PTPRT: variants seen among roughly 807,000 people sequenced by gnomAD.
PTPRT encodes receptor-type tyrosine-protein phosphatase T.
PTPRT carries 56 observed loss-of-function variants against 176.8 expected under a neutral mutation model. The ratio of observed to expected loss-of-function variants is 0.32; its 90% confidence interval spans 0.26 to 0.40. PTPRT has a LOEUF of 0.40. Among genes scored for constraint, PTPRT ranks in the 10% least tolerant of loss-of-function variants. PTPRT has a pLI of 1.00. For missense variants in PTPRT, 1,540 were observed against 1,908.2 expected, an observed-to-expected ratio of 0.81 and a Z score of 3.60; for synonymous variants, 783 against 739.0, an observed-to-expected ratio of 1.06 and a Z score of -0.96.
chr20:42,106,679 G>T, intron 24 of PTPRT, 107 bp downstream of exon 24: 1 of 1,428,170 alleles, frequency 7.0e-7, no homozygotes, highest in Non-Finnish European at 9.6e-7. Context: ...TCACACCCAG[G>T]TCCTTTCCAT....
At chr20:42,441,687 C>A (rs564920002) in intron 9 of PTPRT, among the ~76,000 whole-genome samples, 3 of 152,166 alleles carry the variant, frequency 2.0e-5, no homozygotes, top group Admixed American at 6.5e-5. Context: ...TGGTGCCATG[C>A]GGCCTGACCT....
chr20:42,520,841 G>GTAGATAGATAGA lies in PTPRT; in HGVS notation c.1154-48291_1154-48280dup, dbSNP rs57774363. On this transcript the variant is annotated intron_variant, in intron 7 of 30. Transcript: ENST00000373187. ...TATATATGTATGTATGGGTGTGTGT[G>GTAGATAGATAGA]TAGATAGATAGATAGATAGATAGAT... Among the ~76,000 whole-genome samples the GTAGATAGATAGA allele has an allele frequency of 4.3e-3, 615 of 143,908 alleles. 7 individuals carry two copies. Among genetic ancestry groups the GTAGATAGATAGA allele is most frequent in the East Asian group, 0.015 (71 of 4,822 alleles). 94.4% of individuals were successfully genotyped at this position (143,908 alleles called of 152,430 possible). A position where few individuals can be genotyped will look rare whatever the true frequency, so the allele number is the denominator to read the frequency against.
chr20:42,629,978 T>C (rs1405896833), intron 7 of PTPRT, among the ~76,000 whole-genome samples: 1 of 152,232 alleles, frequency 6.6e-6, no homozygotes, highest in African/African-American at 2.4e-5. Context: ...TCCCAACCCC[T>C]GAGACCTGTG....
At chr20:42,805,582 C>T (rs2077594175) in intron 2 of PTPRT, among the ~76,000 whole-genome samples, 1 of 152,148 alleles carries the variant, frequency 6.6e-6, no homozygotes, top group South Asian at 2.1e-4. Context: ...TGAAAATGCT[C>T]CTCAAGAGCT....
intron 8 of PTPRT, among the ~76,000 whole-genome samples, chr20:42,451,269 G>T (rs1295962108): frequency 6.6e-6 from 1 of 152,142 alleles, no homozygotes; most frequent in Non-Finnish European, 1.5e-5. Flanking sequence ...ATGGAGAACT[G>T]CAACCCTTTT....
chr20:42,090,359 C>A (rs1048309124), intron 27 of PTPRT, among the ~76,000 whole-genome samples: 4 of 150,472 alleles, frequency 2.7e-5, no homozygotes, highest in Non-Finnish European at 5.9e-5. Flanking sequence ...TGAGTAGCAT[C>A]CTAGATATGG....
At chr20:42,660,622 G>A (rs1191066018) in intron 7 of PTPRT, among the ~76,000 whole-genome samples, 1 of 152,054 alleles carries the variant, frequency 6.6e-6, no homozygotes, top group Non-Finnish European at 1.5e-5. Context: ...TTTCTCCAGT[G>A]CACACATTTG....
chr20:42,426,978 A>T (rs1275160029), intron 9 of PTPRT, among the ~76,000 whole-genome samples: 1 of 152,152 alleles, frequency 6.6e-6, no homozygotes, highest in Admixed American at 6.5e-5. Flanking sequence ...GATTTGCCAC[A>T]GTAGCTGTCA....
At position 42,085,748 on chromosome 20, in the gene PTPRT, G is replaced by A. The variant is rs760880188; in HGVS notation, c.3952C>T (p.Arg1318Cys). ...CTTACCCGGGCCATGTTACAGATGC[G>A]GAATATTCTGTGGATGATGTCCTCG... is the stretch of plus-strand genomic sequence containing the variant. ...IDEDIIHRIF[R>C]ICNMARPQDG... Residue 1318 changes from arginine to cysteine, a missense_variant, in exon 28 of 31, where the codon CGC becomes TGC. Physicochemically the swap from Arg to Cys is radical, Grantham distance 180. This residue lies in a region of PTPRT where 342 missense variants were observed against 394.0 expected (regional missense o/e 0.87). Coordinates refer to ENST00000373187, the MANE Select transcript of PTPRT (RefSeq NM_007050.6). 1.9e-5 allele frequency: 30 copies of A among 1,613,916 alleles called. No homozygotes were observed. The highest frequency in any genetic ancestry group is 2.4e-5 in the Non-Finnish European group (28 of 1,180,010).
chr20:42,890,577 G>T (rs2079175613), intron 1 of PTPRT, among the ~76,000 whole-genome samples: 1 of 152,136 alleles, frequency 6.6e-6, no homozygotes, highest in African/African-American at 2.4e-5. Context: ...ACAGGCTAGG[G>T]TGTCCTGCCA....
At chr20:43,074,502 T>C (rs188427129) in intron 1 of PTPRT, among the ~76,000 whole-genome samples, 94 of 152,334 alleles carry the variant, frequency 6.2e-4, no homozygotes, top group Admixed American at 1.0e-3. Context: ...TAAGTCCTCA[T>C]GTAATCCTTG....
rs549231216 is a variant in PTPRT at position 42,856,618 on chromosome 20, C to G, written c.214+29189G>C. Among the ~76,000 whole-genome samples the G allele has an allele frequency of 1.2e-3, 177 of 152,166 alleles. 2 individuals carry two copies. Among genetic ancestry groups the G allele is most frequent in the African/African-American group, 4.0e-3 (166 of 41,520 alleles). ...CCCCAGGTTCCCCCAGGGTTGTCTT[C>G]TGGGCAACCTCCCAGGTACTGTCCT... On this transcript the variant is annotated intron_variant, in intron 2 of 30. Coordinates refer to ENST00000373187, the MANE Select transcript of PTPRT (RefSeq NM_007050.6).
chr20:42,544,236 C>G (rs556482331), intron 7 of PTPRT, among the ~76,000 whole-genome samples: 1 of 152,220 alleles, frequency 6.6e-6, no homozygotes, highest in Non-Finnish European at 1.5e-5. Flanking sequence ...TTTAGTCTAG[C>G]CACCTTCATC....
intron 1 of PTPRT, among the ~76,000 whole-genome samples, chr20:43,118,136 G>A (rs1405531987): frequency 6.6e-6 from 1 of 152,188 alleles, no homozygotes; most frequent in Non-Finnish European, 1.5e-5. Flanking sequence ...TGTGAAAGCA[G>A]CTACCAGCTG....
At chr20:42,683,865 G>C (rs547416763) in intron 6 of PTPRT, among the ~76,000 whole-genome samples, 3 of 152,266 alleles carry the variant, frequency 2.0e-5, no homozygotes, top group African/African-American at 7.2e-5. Context: ...GACAATGAAA[G>C]ATTCAAGTCA....
chr20:42,427,069 G>A (rs933709386), intron 9 of PTPRT, among the ~76,000 whole-genome samples: 2 of 152,152 alleles, frequency 1.3e-5, no homozygotes, highest in Non-Finnish European at 2.9e-5. Flanking sequence ...TGATTCAGTA[G>A]CTTTTAGAAG....
At chr20:42,590,563 A>AG (rs2073551137) in intron 7 of PTPRT, among the ~76,000 whole-genome samples, 2 of 152,106 alleles carry the variant, frequency 1.3e-5, no homozygotes, top group South Asian at 4.1e-4. Flanking sequence ...CAGGTGACAG[A>AG]GGGGCATGCA....
At chr20:42,443,881 A>G (rs2059340332) in intron 9 of PTPRT, among the ~76,000 whole-genome samples, 1 of 152,234 alleles carries the variant, frequency 6.6e-6, no homozygotes, top group Non-Finnish European at 1.5e-5. Context: ...TCATCTTAAT[A>G]TCATAGATGA....
chr20:42,515,210 C>T (rs913699915), intron 7 of PTPRT, among the ~76,000 whole-genome samples: 3 of 152,136 alleles, frequency 2.0e-5, no homozygotes, highest in African/African-American at 4.8e-5. Flanking sequence ...CAAGTTTGGG[C>T]ATGGTGGCTC....
Sources: allele counts gnomAD v4.1 joint callset (sites outside exome capture counted in the v4.1 genomes callset), GRCh38; gene constraint gnomAD v4.1.1; regional missense constraint gnomAD v4.1.1; transcripts MANE v1.5; gene names NCBI Gene and HGNC (gene_info 2026-07-23, HGNC 2026-07-21).